The following ZNF337 variants were observed in gnomAD, a reference collection of about 807,000 sequenced individuals.
The protein encoded by ZNF337 is zinc finger protein 337.
ZNF337 carries 8 observed loss-of-function variants against 12.1 expected under a neutral mutation model. That is an observed-to-expected ratio of 0.66 (90% CI 0.39 to 1.19). ZNF337 has a LOEUF of 1.19. Ranked by LOEUF, ZNF337 falls within the 50% of genes most tolerant of loss-of-function variation. The probability of loss-of-function intolerance (pLI) is 0.01; values close to 1 mark genes in which losing one functional copy is unlikely to be tolerated. For missense variants in ZNF337, 882 were observed against 896.6 expected, an observed-to-expected ratio of 0.98 and a Z score of 0.21; for synonymous variants, 336 against 320.0, an observed-to-expected ratio of 1.05 and a Z score of -0.53.
At chr20:25,690,890 C>T (rs145985268) in intron 1 of ZNF337, among the ~76,000 whole-genome samples, 97 of 152,082 alleles carry the variant, frequency 6.4e-4, no homozygotes, top group Non-Finnish European at 1.9e-4. Flanking sequence ...CTGCAAAAAC[C>T]GGAAAAGGAG....
intron 1 of ZNF337, among the ~76,000 whole-genome samples, chr20:25,694,967 T>A (rs1174225335): frequency 6.6e-6 from 1 of 152,190 alleles, no homozygotes; most frequent in Non-Finnish European, 1.5e-5. Context: ...AAGCCTTTCT[T>A]AGGTCTGGAA....
chr20:25,676,646 G>A lies in ZNF337; in HGVS notation c.642C>T (p.His214=), dbSNP rs1168419126. 4.3e-6 allele frequency: 7 copies of A among 1,614,124 alleles called. 1 individual carries two copies. In the Admixed American group the frequency reaches 1.0e-4, roughly 23 times the overall value. ...ATGCTGACTCATCTCTAAAGCCCTG[G>A]TGACACTCCCTGCATGTAAAAAGTT... ...RQKLFTCREC[H]QGFRDESALL... The change falls in exon 5 of 5, where the codon CAC becomes CAT. Residue 214 remains histidine (H), a synonymous_variant. Coordinates refer to ENST00000252979, the MANE Select transcript of ZNF337 (RefSeq NM_015655.4).
chr20:25,686,288 C>A (rs910408566), intron 2 of ZNF337, 103 bp downstream of exon 2: 1 of 1,450,896 alleles, frequency 6.9e-7, no homozygotes, highest in South Asian at 1.2e-5. Flanking sequence ...TCCCCAGGAG[C>A]GGTGCTGGCC....
At chr20:25,680,259 T>C (rs6050785) in intron 4 of ZNF337, among the ~76,000 whole-genome samples, 2,362 of 152,062 alleles carry the variant, frequency 0.016, 55 homozygotes, top group African/African-American at 0.054. Flanking sequence ...TATTTCAAAA[T>C]AGAAAAAAAT....
intron 4 of ZNF337, among the ~76,000 whole-genome samples, chr20:25,683,995 C>A (rs926644621): frequency 6.6e-6 from 1 of 151,942 alleles, no homozygotes; most frequent in African/African-American, 2.4e-5. Flanking sequence ...AAATGTGGCA[C>A]ATATACACCA....
At chr20:25,696,099 C>CCA (rs1173561191) in intron 1 of ZNF337, among the ~76,000 whole-genome samples, 1 of 123,276 alleles carries the variant, frequency 8.1e-6, no homozygotes, top group East Asian at 2.3e-4. Flanking sequence ...CCCCCCCCCC[C>CCA]CCACCAAAAC....
intron 4 of ZNF337, chr20:25,677,247 C>G (rs2065711091): frequency 2.0e-6 from 1 of 500,406 alleles, no homozygotes; most frequent in Admixed American, 3.7e-5. Flanking sequence ...TATCCTGATA[C>G]CAAAACCAGA....
At position 25,675,916 on chromosome 20, in the gene ZNF337, TCTC is replaced by T. The variant is rs752979709; in HGVS notation, c.1369_1371del (p.Glu457del). 17 of 1,613,884 alleles carry T rather than the reference TCTC, an allele frequency of 1.1e-5. No homozygotes were observed. Among genetic ancestry groups the T allele is most frequent in the East Asian group, 4.5e-5 (2 of 44,882 alleles). On this transcript the variant is annotated inframe_deletion, in exon 5 of 5. Coordinates refer to ENST00000252979, the MANE Select transcript of ZNF337 (RefSeq NM_015655.4). ...CCACAGTCCTTGCACACAAAAGGCTTCTCCTCTGAGTGTGTGATCTGATGTTTC... is the reference window on the plus strand; with the variant it reads ...CCACAGTCCTTGCACACAAAAGGCTTCTCTGAGTGTGTGATCTGATGTTTC...
chr20:25,684,293 T>C (rs1282766855), intron 4 of ZNF337, among the ~76,000 whole-genome samples: 1 of 151,724 alleles, frequency 6.6e-6, no homozygotes, highest in African/African-American at 2.4e-5. Flanking sequence ...GCATGGCACA[T>C]GTATACATAT....
chr20:25,693,437 T>C (rs1569017954), intron 1 of ZNF337, among the ~76,000 whole-genome samples: 1 of 152,310 alleles, frequency 6.6e-6, no homozygotes, highest in East Asian at 1.9e-4. Flanking sequence ...GGGATTCCAA[T>C]TCCTAACTTC....
At chr20:25,686,563 G>A (rs2065835758) in intron 1 of ZNF337, 97 bp from the exon 2 acceptor site, 1 of 896,364 alleles carries the variant, frequency 1.1e-6, no homozygotes, top group South Asian at 1.7e-5. Context: ...GATCTGGGGA[G>A]GGCGCACCTG....
intron 4 of ZNF337, among the ~76,000 whole-genome samples, chr20:25,682,784 A>C (rs548640518): frequency 1.6e-4 from 24 of 152,222 alleles, no homozygotes; most frequent in African/African-American, 4.8e-4. Flanking sequence ...CCAAGGAGCC[A>C]AGATCGCGCC....
chr20:25,676,941 T>C lies in ZNF337; in HGVS notation c.347A>G (p.Asp116Gly). The C allele has an allele frequency of 1.2e-6, 2 of 1,614,192 alleles. No individual in the cohort carries two copies. The highest frequency in any genetic ancestry group is 1.7e-6 in the Non-Finnish European group (2 of 1,180,030). Residue 116 changes from aspartate (D) to glycine (G), a missense_variant, in exon 5 of 5, where the codon GAC becomes GGC. By Grantham distance (94) the Asp-to-Gly change is moderately conservative (BLOSUM62 -1). Transcript: ENST00000252979. ...LQFSDQSFQS[D>G]TAEGQEKEKS... ...TTCTTTCTCTTGACCTTCAGCTGTG[T>C]CACTCTGGAAGCTTTGATCAGAAAA...
chr20:25,693,243 A>C (rs2122474561), intron 1 of ZNF337, among the ~76,000 whole-genome samples: 1 of 152,166 alleles, frequency 6.6e-6, no homozygotes, highest in Admixed American at 6.5e-5. Context: ...TGCCTGGCTA[A>C]TTTCTGTATT....
At chr20:25,693,063 G>A (rs1404998676) in intron 1 of ZNF337, among the ~76,000 whole-genome samples, 48 of 152,150 alleles carry the variant, frequency 3.2e-4, no homozygotes, top group Non-Finnish European at 4.4e-5. Flanking sequence ...CTTGATCCCA[G>A]ATATGTTACA....
chr20:25,674,658 A>G lies in ZNF337; in HGVS notation c.*374T>C. On this transcript the variant is annotated 3_prime_UTR_variant, in exon 5 of 5. Coordinates refer to ENST00000252979, the MANE Select transcript of ZNF337 (RefSeq NM_015655.4). The stretch of plus-strand genomic sequence containing the variant: ...GGTGTCCTAGATTGTTTGCAGTCCA[A>G]GGAGGTTGGGGAGAGTGTAACAGGC... 4.7e-6 allele frequency: 1 copy of G among 214,956 alleles called. No homozygotes were observed. The highest frequency in any genetic ancestry group is 9.3e-6 in the Non-Finnish European group (1 of 107,718). The allele number at this position is 214,956 out of a possible 1,614,324, so 13.3% of individuals were successfully genotyped here. A position where few individuals can be genotyped will look rare whatever the true frequency, so the allele number is the denominator to read the frequency against.
chr20:25,693,962 A>AG (rs1349204442), intron 1 of ZNF337, among the ~76,000 whole-genome samples: 10 of 152,216 alleles, frequency 6.6e-5, no homozygotes, highest in African/African-American at 2.2e-4. Context: ...TCTTGTTAAA[A>AG]AAAAAGGACC....
rs139346597 is a variant in ZNF337 at position 25,675,963 on chromosome 20, A to T, written c.1325T>A (p.Ile442Asn). The change falls in exon 5 of 5, where the codon ATT becomes AAT. Residue 442 changes from isoleucine to asparagine, a missense_variant. By Grantham distance (149) the Ile-to-Asn change is moderately radical (BLOSUM62 -3). Coordinates refer to ENST00000252979, the MANE Select transcript of ZNF337 (RefSeq NM_015655.4). The stretch of plus-strand genomic sequence containing the variant: ...ATGTTTCACAAGGGTTGACTTCTGA[A>T]TAAATCCTTGCCCACATTCTCTACA... ...FVCRECGQGF[I>N]QKSTLVKHQI... 9.1e-4 allele frequency: 1,460 copies of T among 1,611,424 alleles called. No homozygotes were observed. The highest frequency in any genetic ancestry group is 1.2e-3 in the Non-Finnish European group (1,362 of 1,179,050).
intron 4 of ZNF337, among the ~76,000 whole-genome samples, chr20:25,684,380 A>T (rs913384886): frequency 1.3e-5 from 2 of 151,956 alleles, no homozygotes; most frequent in African/African-American, 2.4e-5. Flanking sequence ...AAAAAATATT[A>T]AAAAAAATTA....
Sources: gnomAD v4.1 joint callset for allele counts (sites outside exome capture counted in the v4.1 genomes callset) on GRCh38, gnomAD v4.1.1 for gene constraint, MANE v1.5 for transcripts, NCBI Gene and HGNC (gene_info 2026-07-23, HGNC 2026-07-21) for gene names.